Variants in LMBR1 observed in about 807,000 individuals in gnomAD.
The protein encoded by LMBR1 is limb region 1 protein homolog.
In LMBR1, 52 loss-of-function variants were observed where a neutral mutation model predicts 73.9. That is an observed-to-expected ratio of 0.70 (90% CI 0.56 to 0.89). LMBR1 has a LOEUF of 0.89. Among genes scored for constraint, LMBR1 ranks in the 40% least tolerant of loss-of-function variants. The pLI, the probability that LMBR1 is intolerant of heterozygous loss-of-function variation, is 0.00. For missense variants in LMBR1, 539 were observed against 579.8 expected, an observed-to-expected ratio of 0.93 and a Z score of 0.72; for synonymous variants, 215 against 209.4, an observed-to-expected ratio of 1.03 and a Z score of -0.23.
At chr7:156,807,331 C>T (rs1470913167) in intron 4 of LMBR1, among the ~76,000 whole-genome samples, 2 of 152,166 alleles carry the variant, frequency 1.3e-5, no homozygotes, top group African/African-American at 4.8e-5. Flanking sequence ...TATGATAGAA[C>T]TGACAGTAAA....
intron 15 of LMBR1, among the ~76,000 whole-genome samples, chr7:156,713,511 C>T (rs1812543848): frequency 6.6e-6 from 1 of 151,948 alleles, no homozygotes; most frequent in African/African-American, 2.4e-5. Flanking sequence ...TGTGCTATCT[C>T]TGCACTTTTC....
intron 5 of LMBR1, among the ~76,000 whole-genome samples, chr7:156,772,880 G>A (rs1356182494): frequency 6.6e-6 from 1 of 151,680 alleles, no homozygotes; most frequent in Non-Finnish European, 1.5e-5. Flanking sequence ...GGGAAGGGAG[G>A]GGAGAGGAGA....
chr7:156,693,627 A>G (rs911898982), intron 15 of LMBR1, among the ~76,000 whole-genome samples: 3 of 152,192 alleles, frequency 2.0e-5, no homozygotes, highest in African/African-American at 4.8e-5. Context: ...CTAATAAACA[A>G]GAAGATTGAA....
At chr7:156,820,741 A>G (rs1280861100) in intron 4 of LMBR1, among the ~76,000 whole-genome samples, 2 of 152,188 alleles carry the variant, frequency 1.3e-5, no homozygotes, top group Non-Finnish European at 2.9e-5. Context: ...GTGTTGCTCC[A>G]GCTGGTTTAC....
At chr7:156,779,930 CA>C (rs1826830833) in intron 5 of LMBR1, among the ~76,000 whole-genome samples, 1 of 152,150 alleles carries the variant, frequency 6.6e-6, no homozygotes, top group Non-Finnish European at 1.5e-5. Flanking sequence ...ACACAGTCAT[CA>C]GGGGAAGATC....
At chr7:156,763,232 A>G (rs1823448432) in intron 6 of LMBR1, 56 bp from the exon 7 acceptor site, 2 of 725,756 alleles carry the variant, frequency 2.8e-6, no homozygotes, top group Non-Finnish European at 4.5e-6. Flanking sequence ...ACATTAAGAT[A>G]GTCAGTCTAT....
rs189987069 is a variant in LMBR1 at position 156,866,505 on chromosome 7, G to A, written c.66+26423C>T. Among the ~76,000 whole-genome samples, 392 of 151,298 alleles carry A rather than the reference G, an allele frequency of 2.6e-3. 4 individuals carry two copies. The highest frequency in any genetic ancestry group is 8.9e-3 in the African/African-American group (368 of 41,192). On this transcript the variant is annotated intron_variant, in intron 1 of 16. Coordinates refer to ENST00000353442, the MANE Select transcript of LMBR1 (RefSeq NM_022458.4). ...TATCTAGAATGCTGAAATCCATGAG[G>A]AATTTCTTGCAATAAACCCTGTTAC...
intron 1 of LMBR1, among the ~76,000 whole-genome samples, chr7:156,887,631 C>CA (rs1360740736): frequency 1.3e-5 from 2 of 151,816 alleles, no homozygotes; most frequent in East Asian, 1.9e-4. Context: ...GGATATGACA[C>CA]AAAAAAACAC....
chr7:156,787,073 T>C (rs1449997660), intron 5 of LMBR1, among the ~76,000 whole-genome samples: 1 of 152,184 alleles, frequency 6.6e-6, no homozygotes, highest in African/African-American at 2.4e-5. Context: ...GACTTTCTTC[T>C]GCCCAGAGCT....
At chr7:156,690,040 A>C (rs1347546264) in intron 15 of LMBR1, among the ~76,000 whole-genome samples, 6 of 152,178 alleles carry the variant, frequency 3.9e-5, no homozygotes, top group Non-Finnish European at 7.3e-5. Flanking sequence ...ACCCAGACAC[A>C]GACACCCAAA....
chr7:156,712,512 G>C (rs1390115272), intron 15 of LMBR1, among the ~76,000 whole-genome samples: 1 of 152,158 alleles, frequency 6.6e-6, no homozygotes, highest in Non-Finnish European at 1.5e-5. Context: ...CCAGTACTGG[G>C]TATCTACCCA....
intron 9 of LMBR1, among the ~76,000 whole-genome samples, chr7:156,743,657 TTTC>T (rs1184364749): frequency 6.6e-6 from 1 of 152,220 alleles, no homozygotes; most frequent in South Asian, 2.1e-4. Flanking sequence ...ATTTCTTCAT[TTTC>T]TTCTTTCCCA....
intron 1 of LMBR1, among the ~76,000 whole-genome samples, chr7:156,870,206 C>G (rs1799067138): frequency 6.6e-6 from 1 of 152,060 alleles, no homozygotes; most frequent in African/African-American, 2.4e-5. Flanking sequence ...CACTGTAGAC[C>G]AAATGAATCT....
At chr7:156,687,230 T>C (rs1269878873) in intron 16 of LMBR1, among the ~76,000 whole-genome samples, 2 of 152,210 alleles carry the variant, frequency 1.3e-5, no homozygotes, top group Non-Finnish European at 2.9e-5. Flanking sequence ...TCATATGCAT[T>C]CAAATCATGT....
chr7:156,676,405 C>G, downstream of LMBR1: 2 of 1,614,070 alleles, frequency 1.2e-6, no homozygotes, highest in South Asian at 2.2e-5. Flanking sequence ...CTCTTCCCGT[C>G]CTGTGTGCCG....
chr7:156,836,791 T>C, intron 2 of LMBR1, 22 bp downstream of exon 2: 12 of 1,499,796 alleles, frequency 8.0e-6, no homozygotes, highest in Non-Finnish European at 1.1e-5. Context: ...ACAAAGGTTT[T>C]AATTGACATG....
Position 156,683,469 on chromosome 7 carries a change from C to A in LMBR1, c.*609G>T, listed in dbSNP as rs996525092. ...CAGGTTTAAAAGAATTTAGTATTTT[C>A]CCCTTGGCTCAAAGTCTAATCAGTA... On this transcript the variant is annotated 3_prime_UTR_variant, in exon 17 of 17. Transcript: ENST00000353442. 3.3e-5 allele frequency: 5 copies of A among 152,582 alleles called. No individual in the cohort carries two copies. The highest frequency in any genetic ancestry group is 2.0e-4 in the Admixed American group (3 of 15,286). The allele number at this position is 152,582 out of a possible 1,614,324, so 9.5% of individuals were successfully genotyped here. A position where few individuals can be genotyped will look rare whatever the true frequency, so the allele number is the denominator to read the frequency against.
rs1475278356 is a variant in LMBR1 at position 156,669,503 on chromosome 7, C to T, written n.867-216G>A. Among the ~76,000 whole-genome samples, 1 of 152,116 alleles carries T rather than the reference C, an allele frequency of 6.6e-6. No homozygotes were observed. The highest frequency in any genetic ancestry group is 3.2e-3 in the Middle Eastern group (1 of 316). ...CCAGGCAGAGGGCAGCACGGCTTAG[C>T]ATGTGGGAGGGGCAGGCTGGCAGAG... On this transcript the variant is annotated intron_variant and non_coding_transcript_variant, in intron 4 of 4. Coordinates refer to the LMBR1 transcript ENST00000430825. This position sits in a 1 kb window ranked among gnomAD's most constrained non-coding sequence, Gnocchi z 4.2.
intron 5 of LMBR1, among the ~76,000 whole-genome samples, chr7:156,776,099 A>C (rs1381718192): frequency 6.7e-6 from 1 of 148,488 alleles, no homozygotes; most frequent in Non-Finnish European, 1.5e-5. Flanking sequence ...ATACATTTTT[A>C]TATATGTAAA....
Sources: gnomAD v4.1 joint callset for allele counts (sites outside exome capture counted in the v4.1 genomes callset) on GRCh38, gnomAD v4.1.1 for gene constraint, Gnocchi (gnomAD v3.1) non-coding constraint, MANE v1.5 for transcripts, NCBI Gene and HGNC (gene_info 2026-07-23, HGNC 2026-07-21) for gene names.